The following TMEM225B variants were observed in gnomAD, a reference collection of about 807,000 sequenced individuals.
TMEM225B encodes transmembrane protein 225B.
Under a neutral mutation model 16.9 loss-of-function variants are expected in TMEM225B, and 10 were observed. The ratio of observed to expected loss-of-function variants is 0.59; its 90% confidence interval spans 0.36 to 1.00. TMEM225B has a LOEUF of 1.00. Ranked by LOEUF, TMEM225B falls within the 50% of genes least tolerant of loss-of-function variation. The pLI is 0.01. For missense variants in TMEM225B, 217 were observed against 267.0 expected, an observed-to-expected ratio of 0.81 and a Z score of 1.30; for synonymous variants, 92 against 109.8, an observed-to-expected ratio of 0.84 and a Z score of 1.01.
chr7:99,607,524 A>T (rs1405701989), intron 4 of TMEM225B, 149 bp from the exon 5 acceptor site: 2 of 688,152 alleles, frequency 2.9e-6, no homozygotes, highest in Non-Finnish European at 4.8e-6. Flanking sequence ...GTCAGAAAGG[A>T]GGGAGGGACA....
Position 99,606,902 on chromosome 7 carries a change from A to G in TMEM225B, c.355+8A>G, listed in dbSNP as rs1333109255. On this transcript the variant is annotated splice_region_variant and intron_variant, in intron 4 of 5. Transcript: ENST00000431679. Reference sequence around the variant, plus strand: ...GCATCAGCTTCTTCACAGGTGTGGAACAGCTAGGTGATCCCTGACCTTCGC... The same window carrying G: ...GCATCAGCTTCTTCACAGGTGTGGAGCAGCTAGGTGATCCCTGACCTTCGC... 1 of 1,536,080 alleles carries G rather than the reference A, an allele frequency of 6.5e-7. No individual in the cohort carries two copies. Among genetic ancestry groups the G allele is most frequent in the Non-Finnish European group, 8.7e-7 (1 of 1,146,884 alleles).
Position 99,610,579 on chromosome 7 carries a change from T to C in TMEM225B, c.*14T>C. ...ACAGTCATCTAGCCCAGGACATGGC[T>C]TCTTTACCCTTCTTCAAGCCATGTG... is the stretch of plus-strand genomic sequence containing the variant. On this transcript the variant is annotated 3_prime_UTR_variant, in exon 6 of 6. Transcript: ENST00000431679. The C allele has an allele frequency of 6.5e-7, 1 of 1,535,394 alleles. No homozygotes were observed. Among genetic ancestry groups the C allele is most frequent in the Non-Finnish European group, 8.7e-7 (1 of 1,146,386 alleles).
chr7:99,601,418 C>G lies in TMEM225B; in HGVS notation c.-4+1133C>G, dbSNP rs1190770884. ...GACACCCTGGGCAACATAGTTAGAC[C>G]CCTGTCTCTACAAAAAATTAAAAAA... On this transcript the variant is annotated intron_variant, in intron 2 of 5. Transcript: ENST00000431679. 2.0e-5 allele frequency among the ~76,000 whole-genome samples: 3 copies of G among 152,062 alleles called. 1 individual carries two copies. The highest frequency in any genetic ancestry group is 4.4e-5 in the Non-Finnish European group (3 of 68,010).
chr7:99,598,813 AG>A (rs919559761), intron 1 of TMEM225B, among the ~76,000 whole-genome samples: 2 of 152,174 alleles, frequency 1.3e-5, no homozygotes, highest in Non-Finnish European at 2.9e-5. Flanking sequence ...GTTAAGTGCC[AG>A]GGCCTGGGAG....
intron 1 of TMEM225B, among the ~76,000 whole-genome samples, chr7:99,599,923 C>T (rs747687095): frequency 9.9e-5 from 15 of 152,234 alleles, no homozygotes; most frequent in Non-Finnish European, 2.2e-4. Context: ...ATTCAAATAT[C>T]TATGACCTTT....
At position 99,610,365 on chromosome 7, in the gene TMEM225B, C is replaced by T. The variant is rs1198353492; in HGVS notation, c.494-28C>T. On this transcript the variant is annotated intron_variant, in intron 5 of 5. Transcript: ENST00000431679. ...GCGTGGAGCTCTGGACTTTCTCTGA[C>T]CTGACCCAAACGTTGGCTGTTCCCT... 3.3e-6 allele frequency: 5 copies of T among 1,531,182 alleles called. No individual in the cohort carries two copies. The East Asian group carries it at 1.2e-4, about 37-fold the overall frequency. 94.8% of individuals were successfully genotyped at this position (1,531,182 alleles called of 1,614,324 possible). A position where few individuals can be genotyped will look rare whatever the true frequency, so the allele number is the denominator to read the frequency against.
chr7:99,603,731 G>T (rs1313522765), intron 2 of TMEM225B, among the ~76,000 whole-genome samples: 1 of 149,496 alleles, frequency 6.7e-6, no homozygotes, highest in Non-Finnish European at 1.5e-5. Context: ...TAGAACTTTA[G>T]TTTTTTTCTT....
At chr7:99,606,991 T>C (rs1805872427) in intron 4 of TMEM225B, 97 bp downstream of exon 4, 1 of 1,384,272 alleles carries the variant, frequency 7.2e-7, no homozygotes, top group African/African-American at 1.5e-5. Flanking sequence ...AAAAGAGGCA[T>C]AATTTTTCTT....
At chr7:99,602,466 G>A (rs1033931408) in intron 2 of TMEM225B, among the ~76,000 whole-genome samples, 4 of 152,198 alleles carry the variant, frequency 2.6e-5, no homozygotes, top group African/African-American at 9.6e-5. Context: ...TTTGGTATGC[G>A]TTATTTCATT....
chr7:99,606,182 C>T (rs536056704), intron 3 of TMEM225B, among the ~76,000 whole-genome samples: 6 of 152,330 alleles, frequency 3.9e-5, no homozygotes, highest in South Asian at 4.1e-4. Flanking sequence ...GTCATCCCAG[C>T]GCGTTGAGAG....
chr7:99,607,021 T>C, intron 4 of TMEM225B, 127 bp downstream of exon 4: 6 of 1,032,332 alleles, frequency 5.8e-6, no homozygotes, highest in South Asian at 1.6e-5. Context: ...AGGGTCTCAC[T>C]CTGTTACCCA....
chr7:99,603,883 C>T (rs115141395), intron 2 of TMEM225B, among the ~76,000 whole-genome samples: 1,622 of 152,030 alleles, frequency 0.011, 19 homozygotes, highest in African/African-American at 0.037. Flanking sequence ...TCACCTCAGG[C>T]TTCTGAGTAG....
At position 99,610,849 on chromosome 7, in the gene TMEM225B, C is replaced by A. The variant is rs1562958174; in HGVS notation, c.*284C>A. 3.4e-6 allele frequency: 1 copy of A among 295,914 alleles called. No homozygotes were observed. The allele number at this position is 295,914 out of a possible 1,614,324, so 18.3% of individuals were successfully genotyped here. Reference sequence around the variant, plus strand: ...TTCATCCATATCTCAAAAACCAAGTCCGCAGGGCAGGAGGGGAGGGAGGAA... The same window carrying A: ...TTCATCCATATCTCAAAAACCAAGTACGCAGGGCAGGAGGGGAGGGAGGAA... On this transcript the variant is annotated 3_prime_UTR_variant, in exon 6 of 6. Coordinates refer to ENST00000431679, the MANE Select transcript of TMEM225B (RefSeq NM_001195541.3).
chr7:99,606,052 G>C (rs1805783822), intron 3 of TMEM225B, among the ~76,000 whole-genome samples: 1 of 152,204 alleles, frequency 6.6e-6, no homozygotes, highest in Non-Finnish European at 1.5e-5. Context: ...TTTATCACAA[G>C]AGTTTGATTT....
At chr7:99,600,410 G>A (rs535458601) in intron 2 of TMEM225B, 125 bp downstream of exon 2, 24 of 653,246 alleles carry the variant, frequency 3.7e-5, no homozygotes, top group Admixed American at 9.2e-5. Flanking sequence ...AGGCACCCCC[G>A]CCCCCAGGAA....
At chr7:99,599,426 A>C (rs975251606) in intron 1 of TMEM225B, among the ~76,000 whole-genome samples, 1 of 152,040 alleles carries the variant, frequency 6.6e-6, no homozygotes, top group Non-Finnish European at 1.5e-5. Context: ...AAAATTAGCC[A>C]GGTGTAATGG....
chr7:99,598,812 C>T (rs1408596856), intron 1 of TMEM225B, among the ~76,000 whole-genome samples: 1 of 152,220 alleles, frequency 6.6e-6, no homozygotes, highest in Non-Finnish European at 1.5e-5. Context: ...TGTTAAGTGC[C>T]AGGGCCTGGG....
chr7:99,601,140 C>T (rs1261758890), intron 2 of TMEM225B, among the ~76,000 whole-genome samples: 2 of 152,156 alleles, frequency 1.3e-5, no homozygotes, highest in African/African-American at 4.8e-5. Flanking sequence ...CAAGATGCAG[C>T]CATGACTCCT....
chr7:99,610,715 T>C lies in TMEM225B; in HGVS notation c.*150T>C, dbSNP rs888932099. The C allele has an allele frequency of 5.2e-6, 3 of 578,678 alleles. No homozygotes were observed. Among genetic ancestry groups the C allele is most frequent in the Non-Finnish European group, 8.8e-6 (3 of 341,714 alleles). 35.8% of individuals were successfully genotyped at this position (578,678 alleles called of 1,614,324 possible). A position where few individuals can be genotyped will look rare whatever the true frequency, so the allele number is the denominator to read the frequency against. On this transcript the variant is annotated 3_prime_UTR_variant, in exon 6 of 6. Transcript: ENST00000431679. ...ACTCTCCACCTCCCCATACTCACAG[T>C]GATTCTATCTTGCTTGTATGTGAAA...
Sources: allele counts gnomAD v4.1 joint callset (sites outside exome capture counted in the v4.1 genomes callset), GRCh38; gene constraint gnomAD v4.1.1; transcripts MANE v1.5; gene names NCBI Gene and HGNC (gene_info 2026-07-23, HGNC 2026-07-21).